The following MTPN variants were observed in gnomAD, a reference collection of about 807,000 sequenced individuals.
MTPN encodes the protein granule cell differentiation protein.
MTPN carries 2 observed loss-of-function variants against 13.5 expected under a neutral mutation model. The observed-to-expected ratio is 0.15, with a 90% CI of 0.06 to 0.47. The LOEUF (loss-of-function observed/expected upper bound fraction) is 0.47, where lower values mean the gene tolerates loss of function less well. MTPN is among the 20% of genes least tolerant of loss of function. The probability of loss-of-function intolerance (pLI) is 0.97; values close to 1 mark genes in which losing one functional copy is unlikely to be tolerated. For synonymous variants in MTPN, 46 were observed against 51.7 expected, an observed-to-expected ratio of 0.89 and a Z score of 0.48; for missense variants, 79 against 137.9, an observed-to-expected ratio of 0.57 and a Z score of 2.14.
At chr7:135,944,686 C>A (rs969191384) in intron 3 of MTPN, among the ~76,000 whole-genome samples, 1 of 151,934 alleles carries the variant, frequency 6.6e-6, no homozygotes, top group East Asian at 1.9e-4. Context: ...AATAAATGTG[C>A]CACATGATAG....
At chr7:135,956,076 C>A (rs572381953) in intron 1 of MTPN, among the ~76,000 whole-genome samples, 12 of 152,256 alleles carry the variant, frequency 7.9e-5, no homozygotes, top group Admixed American at 5.2e-4. Context: ...AAAAGGCATC[C>A]ATTTCGAAAA....
intron 1 of MTPN, among the ~76,000 whole-genome samples, chr7:135,962,778 T>C (rs1212370128): frequency 2.0e-5 from 3 of 152,070 alleles, no homozygotes; most frequent in Admixed American, 6.6e-5. Context: ...CTCTATTACA[T>C]AGCATTAGGT....
chr7:135,966,714 T>A (rs185247074), intron 1 of MTPN, among the ~76,000 whole-genome samples: 41 of 152,300 alleles, frequency 2.7e-4, no homozygotes, highest in Admixed American at 2.7e-3. Flanking sequence ...AGCATTTGTA[T>A]CAGCTCTAGA....
At chr7:135,975,715 CTT>C (rs2116419851) in intron 1 of MTPN, among the ~76,000 whole-genome samples, 1 of 152,306 alleles carries the variant, frequency 6.6e-6, no homozygotes, top group African/African-American at 2.4e-5. Flanking sequence ...TACCTTTTAG[CTT>C]TATATTGAAA....
chr7:135,931,976 T>C (rs925203929), intron 3 of MTPN, among the ~76,000 whole-genome samples: 1 of 152,218 alleles, frequency 6.6e-6, no homozygotes, highest in Non-Finnish European at 1.5e-5. Context: ...CTTTTACTTA[T>C]TTTAAATTAC....
chr7:135,937,638 A>AC (rs1425927916), intron 3 of MTPN, among the ~76,000 whole-genome samples: 9 of 152,078 alleles, frequency 5.9e-5, no homozygotes, highest in Non-Finnish European at 1.2e-4. Context: ...AATACACTTG[A>AC]CCCTTGAACG....
At chr7:135,961,279 TA>T (rs1299542179) in intron 1 of MTPN, among the ~76,000 whole-genome samples, 4 of 151,880 alleles carry the variant, frequency 2.6e-5, no homozygotes, top group African/African-American at 9.7e-5. Context: ...CTATAGATTA[TA>T]AGAACTCACT....
chr7:135,967,132 G>A (rs1025130032), intron 1 of MTPN, among the ~76,000 whole-genome samples: 1 of 151,988 alleles, frequency 6.6e-6, no homozygotes, highest in African/African-American at 2.4e-5. Context: ...AAAAATTAAA[G>A]ACATACCCCA....
At chr7:135,934,909 C>CAAGA (rs1799090735) in intron 3 of MTPN, among the ~76,000 whole-genome samples, 1 of 152,116 alleles carries the variant, frequency 6.6e-6, no homozygotes, top group Admixed American at 6.5e-5. Flanking sequence ...TCAACGTGCT[C>CAAGA]TTCCTAATCA....
chr7:135,935,550 C>T (rs1279221571), intron 3 of MTPN, among the ~76,000 whole-genome samples: 1 of 152,006 alleles, frequency 6.6e-6, no homozygotes, highest in Non-Finnish European at 1.5e-5. Context: ...TTTTTTATTA[C>T]ACAACTCTAA....
intron 3 of MTPN, among the ~76,000 whole-genome samples, chr7:135,949,693 C>T (rs986142896): frequency 1.3e-5 from 2 of 152,150 alleles, no homozygotes; most frequent in Admixed American, 6.5e-5. Context: ...CAATTTTCTT[C>T]GTATCTTACT....
intron 1 of MTPN, among the ~76,000 whole-genome samples, chr7:135,961,267 G>A (rs1306559659): frequency 6.6e-6 from 1 of 151,994 alleles, no homozygotes. Context: ...AAAGACCTGA[G>A]CCTATAGATT....
At chr7:135,972,823 A>T (rs1177995133) in intron 1 of MTPN, among the ~76,000 whole-genome samples, 1 of 151,466 alleles carries the variant, frequency 6.6e-6, no homozygotes, top group East Asian at 2.0e-4. Context: ...CCTCATCGGT[A>T]TGGTGTTTTT....
At chr7:135,947,867 T>G (rs1251438199) in intron 3 of MTPN, among the ~76,000 whole-genome samples, 1 of 152,228 alleles carries the variant, frequency 6.6e-6, no homozygotes, top group African/African-American at 2.4e-5. Context: ...AAAGTTTGAT[T>G]TCAAATATTC....
At chr7:135,968,553 AAACT>A (rs1439025816) in intron 1 of MTPN, among the ~76,000 whole-genome samples, 3 of 152,158 alleles carry the variant, frequency 2.0e-5, no homozygotes, top group African/African-American at 7.2e-5. Flanking sequence ...GTAATACCAT[AAACT>A]AACTTTCATC....
At chr7:135,941,881 CTTT>C (rs564045963) in intron 3 of MTPN, among the ~76,000 whole-genome samples, 8 of 136,152 alleles carry the variant, frequency 5.9e-5, no homozygotes, top group Admixed American at 7.4e-5. Flanking sequence ...TGTTATATTA[CTTT>C]TTTTTTTTTT....
chr7:135,950,348 C>CTGTG (rs139970410), intron 3 of MTPN, among the ~76,000 whole-genome samples: 3 of 151,758 alleles, frequency 2.0e-5, no homozygotes, highest in African/African-American at 4.8e-5. Flanking sequence ...AAGCTGGTTT[C>CTGTG]TGTGTGTGTG....
chr7:135,930,961 T>G (rs1799011574), intron 3 of MTPN, among the ~76,000 whole-genome samples: 1 of 152,044 alleles, frequency 6.6e-6, no homozygotes, highest in Non-Finnish European at 1.5e-5. Flanking sequence ...TACAGAATTG[T>G]TTAAACTTGG....
At chr7:135,950,954 T>A (rs963251593) in intron 2 of MTPN, among the ~76,000 whole-genome samples, 1 of 152,170 alleles carries the variant, frequency 6.6e-6, no homozygotes, top group African/African-American at 2.4e-5. Context: ...ACTATGGTAC[T>A]ATTATTTAGC....
Sources: gnomAD v4.1 joint callset for allele counts (sites outside exome capture counted in the v4.1 genomes callset) on GRCh38, gnomAD v4.1.1 for gene constraint, MANE v1.5 for transcripts, NCBI Gene and HGNC (gene_info 2026-07-23, HGNC 2026-07-21) for gene names.